AMOT: variants seen among roughly 807,000 people sequenced by gnomAD.
The protein encoded by AMOT is angiomotin.
Under a neutral mutation model 67.0 loss-of-function variants are expected in AMOT, and 11 were observed. The observed-to-expected ratio is 0.16, with a 90% confidence interval of 0.10 to 0.27. The LOEUF (loss-of-function observed/expected upper bound fraction) is 0.27. Among genes scored for constraint, AMOT ranks in the 10% least tolerant of loss-of-function variants. AMOT has a pLI of 1.00. For missense variants in AMOT, 753 were observed against 852.0 expected, an observed-to-expected ratio of 0.88 and a Z score of 1.45; for synonymous variants, 326 against 321.4, an observed-to-expected ratio of 1.01 and a Z score of -0.15.
intron 3 of AMOT, among the ~76,000 whole-genome samples, chrX:112,823,724 G>A (rs1385938853): frequency 8.9e-6 from 1 of 111,990 alleles, no homozygotes; most frequent in African/African-American, 3.3e-5. Flanking sequence ...TCCCTGCCTC[G>A]ATGCAAATCT....
chrX:112,805,891 G>A (rs929017875), intron 7 of AMOT, among the ~76,000 whole-genome samples: 3 of 112,136 alleles, frequency 2.7e-5, no homozygotes, highest in African/African-American at 9.7e-5. Context: ...CATTTCACCT[G>A]AAGAAAACAT....
chrX:112,827,411 G>A (rs760845634), intron 2 of AMOT, among the ~76,000 whole-genome samples: 1 of 112,205 alleles, frequency 8.9e-6, no homozygotes, highest in East Asian at 2.8e-4. Context: ...AAGACTCCTT[G>A]TTTCATGCAC....
chrX:112,782,068 T>C (rs897232548), intron 11 of AMOT, among the ~76,000 whole-genome samples: 1 of 111,731 alleles, frequency 9.0e-6, no homozygotes, highest in Non-Finnish European at 1.9e-5. Context: ...TTTGTATTTT[T>C]AGTAGAGACA....
chrX:112,831,184 T>C (rs1441447092), intron 2 of AMOT, among the ~76,000 whole-genome samples: 1 of 109,930 alleles, frequency 9.1e-6, no homozygotes, highest in Non-Finnish European at 1.9e-5. Context: ...AGGTCAGAGA[T>C]GCCCCTGGTT....
rs1028122317 is a variant in AMOT at position 112,776,711 on chromosome X, T to C, written c.*1856A>G. On this transcript the variant is annotated 3_prime_UTR_variant, in exon 14 of 14. Coordinates refer to ENST00000371959, the MANE Select transcript of AMOT (RefSeq NM_001113490.2). Reference sequence around the variant, plus strand: ...GATTGGTTTCTCAGGGGGACATTTATGTGACTCTATGTTGAAATGCAGATC... The same window carrying C: ...GATTGGTTTCTCAGGGGGACATTTACGTGACTCTATGTTGAAATGCAGATC... 1 of 111,658 alleles carries C rather than the reference T, an allele frequency of 9.0e-6. No individual in the cohort carries two copies. The highest frequency in any genetic ancestry group is 1.9e-5 in the Non-Finnish European group (1 of 53,055). 9.2% of individuals were successfully genotyped at this position (111,658 alleles called of 1,213,427 possible).
intron 6 of AMOT, among the ~76,000 whole-genome samples, 175 bp from the exon 7 acceptor site, chrX:112,810,161 C>T (rs1033609551): frequency 4.5e-5 from 5 of 111,545 alleles, no homozygotes; most frequent in Non-Finnish European, 9.4e-5. Flanking sequence ...AGACCATGGC[C>T]GGGGAGGAGG....
At chrX:112,812,428 T>C (rs1934399211) in intron 5 of AMOT, among the ~76,000 whole-genome samples, 2 of 111,400 alleles carry the variant, frequency 1.8e-5, no homozygotes, top group Admixed American at 1.9e-4. Flanking sequence ...GTATAGGTTT[T>C]TGAACACAAA....
In AMOT at chrX:112,811,536, C is replaced by T. The variant is rs148799108; in HGVS notation, c.1393-143G>A. 3 of 584,437 alleles carry T rather than the reference C, an allele frequency of 5.1e-6. No homozygotes were observed. The African/African-American group carries it at 6.9e-5, about 13-fold the overall frequency. 48.2% of individuals were successfully genotyped at this position (584,437 alleles called of 1,213,427 possible). A position where few individuals can be genotyped will look rare whatever the true frequency, so the allele number is the denominator to read the frequency against. ...AGGCAAGCATAACACAGTCAGATGA[C>T]ACAAGTTTCAAGAAAGGATCTCCAC... On this transcript the variant is annotated intron_variant, in intron 5 of 13. Transcript: ENST00000371959.
intron 4 of AMOT, 117 bp downstream of exon 4, chrX:112,822,138 T>C: frequency 3.2e-6 from 3 of 933,732 alleles, no homozygotes; most frequent in Admixed American, 4.4e-5. Context: ...AGGCCTGTCA[T>C]GCATTGCAGA....
chrX:112,811,139 C>T (rs1326700362), intron 6 of AMOT, 110 bp downstream of exon 6: 21 of 1,033,041 alleles, frequency 2.0e-5, no homozygotes, highest in Non-Finnish European at 2.8e-5. Context: ...ACTGCCCATA[C>T]CGGTGGGTTG....
At chrX:112,818,285 T>G (rs1221563306) in intron 4 of AMOT, among the ~76,000 whole-genome samples, 1 of 110,781 alleles carries the variant, frequency 9.0e-6, no homozygotes, top group Non-Finnish European at 1.9e-5. Context: ...CTGGCCTCCC[T>G]CCTGCCTGGA....
At chrX:112,790,559 T>C in intron 10 of AMOT, 33 bp downstream of exon 10, 1 of 1,149,233 alleles carries the variant, frequency 8.7e-7, no homozygotes, top group Non-Finnish European at 1.2e-6. Flanking sequence ...CTTTCTGTTC[T>C]TCCCACTCAT....
At chrX:112,824,479 G>A (rs895462229) in intron 3 of AMOT, among the ~76,000 whole-genome samples, 2 of 111,564 alleles carry the variant, frequency 1.8e-5, no homozygotes, top group African/African-American at 6.5e-5. Flanking sequence ...CTGGAAACAC[G>A]AACCCCTTTC....
chrX:112,781,459 A>AC (rs1342843528), intron 11 of AMOT, among the ~76,000 whole-genome samples: 6 of 109,064 alleles, frequency 5.5e-5, no homozygotes, highest in African/African-American at 1.7e-4. Context: ...AAAAAAAAAA[A>AC]AAAAAAAAAC....
chrX:112,797,816 G>A (rs1933879795), intron 8 of AMOT, among the ~76,000 whole-genome samples: 1 of 106,406 alleles, frequency 9.4e-6, no homozygotes, highest in African/African-American at 3.4e-5. Context: ...AGACAAGAAA[G>A]AGAGAGGAAG....
intron 8 of AMOT, among the ~76,000 whole-genome samples, chrX:112,796,686 G>A (rs188084818): frequency 5.4e-5 from 6 of 111,488 alleles, no homozygotes; most frequent in South Asian, 3.8e-4. Context: ...CCTGACTCCC[G>A]CCTCCTACAG....
chrX:112,791,746 G>T, intron 9 of AMOT, 86 bp downstream of exon 9: 1 of 1,118,820 alleles, frequency 8.9e-7, no homozygotes. Context: ...CAGTGTTCAT[G>T]TCAAATGCTA....
chrX:112,787,431 G>C (rs1165784217), intron 10 of AMOT, among the ~76,000 whole-genome samples: 1 of 111,609 alleles, frequency 9.0e-6, no homozygotes, highest in Non-Finnish European at 1.9e-5. Context: ...AATGCAATAT[G>C]ATTCCTTTTA....
rs1031276652 is a variant in AMOT at position 112,815,836 on chromosome X, G to T, written c.914C>A (p.Ser305Ter). Residue 305 changes from serine to a stop codon, truncating the protein, a stop_gained, in exon 5 of 14, where the codon TCG (serine) becomes TAG (stop). Coordinates refer to ENST00000371959, the MANE Select transcript of AMOT (RefSeq NM_001113490.2). LOFTEE classifies it high-confidence loss of function. ...DISLPLSARN[S>*]QPHSPTSSLT... ...AGAAGAAGTAGGGCTGTGAGGCTGCGAGTTCCTGGCTGACAATGGCAATGA... is the reference window on the plus strand; with the variant it reads ...AGAAGAAGTAGGGCTGTGAGGCTGCTAGTTCCTGGCTGACAATGGCAATGA... 8.6e-7 allele frequency: 1 copy of T among 1,167,003 alleles called. No individual in the cohort carries two copies.
Sources: allele counts gnomAD v4.1 joint callset (sites outside exome capture counted in the v4.1 genomes callset), GRCh38; gene constraint gnomAD v4.1.1; transcripts MANE v1.5; gene names NCBI Gene and HGNC (gene_info 2026-07-23, HGNC 2026-07-21).